Variants in RHBDL2 observed in about 807,000 individuals in gnomAD.
RHBDL2 encodes the protein rhomboid like 2.
RHBDL2 carries 26 observed loss-of-function variants against 31.7 expected under a neutral mutation model. The ratio of observed to expected loss-of-function variants is 0.82; its 90% CI spans 0.60 to 1.14. The LOEUF is 1.14. RHBDL2 is among the 50% of genes most tolerant of loss of function. The pLI is 0.00. For synonymous variants in RHBDL2, 123 were observed against 127.2 expected (o/e 0.97, Z 0.22); for missense variants, 336 against 364.4 (o/e 0.92, Z 0.63).
chr1:38,926,252 A>G, intron 1 of RHBDL2: 1 of 1,050,736 alleles, frequency 9.5e-7, no homozygotes, highest in Non-Finnish European at 1.2e-6. Flanking sequence ...CAGTGTCCAG[A>G]CGCCTTGCCA....
intron 1 of RHBDL2, among the ~76,000 whole-genome samples, chr1:38,934,897 G>T (rs1161421768): frequency 6.6e-6 from 1 of 151,112 alleles, no homozygotes; most frequent in Non-Finnish European, 1.5e-5. Flanking sequence ...GACAGAAGTT[G>T]CAGTGAGCTG....
At chr1:38,895,205 G>A (rs936999411) in intron 5 of RHBDL2, among the ~76,000 whole-genome samples, 3 of 152,144 alleles carry the variant, frequency 2.0e-5, no homozygotes, top group African/African-American at 7.2e-5. Flanking sequence ...AACAATATAA[G>A]GGTGGTGTCA....
Position 38,941,791 on chromosome 1 carries a change from C to G in RHBDL2, c.-235G>C, listed in dbSNP as rs552477716. 2 of 152,770 alleles carry G rather than the reference C, an allele frequency of 1.3e-5. No homozygotes were observed. The highest frequency in any genetic ancestry group is 4.1e-4 in the South Asian group (2 of 4,836). 9.5% of individuals were successfully genotyped at this position (152,770 alleles called of 1,614,324 possible). On this transcript the variant is annotated 5_prime_UTR_variant, in exon 1 of 8. Transcript: ENST00000372990. ...GCCCTGAAGATCCCGCTCTGCCAGG[C>G]GCTCCTCCGTCCCTCCCCAAACAAA...
rs369238561 is a variant in RHBDL2, at chr1:38,900,411, G to A, written c.509-4342C>T. On this transcript the variant is annotated intron_variant, in intron 4 of 7. Coordinates refer to ENST00000372990, the MANE Select transcript of RHBDL2 (RefSeq NM_017821.5). Reference sequence around the variant, plus strand: ...ACAAGGCAGGTGGATCATTAAGGTCGGAAGTTTGAGACCAGCCTGGCCAAC... The same window carrying A: ...ACAAGGCAGGTGGATCATTAAGGTCAGAAGTTTGAGACCAGCCTGGCCAAC... 4.4e-4 allele frequency among the ~76,000 whole-genome samples: 66 copies of A among 150,114 alleles called. No homozygotes were observed. In the East Asian group the frequency reaches 6.2e-3, roughly 14 times the overall value.
chr1:38,909,784 A>C (rs947044592), intron 4 of RHBDL2, among the ~76,000 whole-genome samples: 1 of 152,204 alleles, frequency 6.6e-6, no homozygotes, highest in African/African-American at 2.4e-5. Flanking sequence ...AAATTAAAAA[A>C]TAAAATATGC....
At chr1:38,929,342 G>A in intron 1 of RHBDL2, 1 of 1,231,000 alleles carries the variant, frequency 8.1e-7, no homozygotes, top group Non-Finnish European at 1.1e-6. Flanking sequence ...AAGCGTCCAG[G>A]ACGGGAAAAG....
intron 5 of RHBDL2, among the ~76,000 whole-genome samples, chr1:38,893,906 A>G (rs1454996577): frequency 1.3e-5 from 2 of 152,102 alleles, no homozygotes; most frequent in Non-Finnish European, 2.9e-5. Context: ...CACCTGGCTC[A>G]TTGTTGGATT....
intron 4 of RHBDL2, among the ~76,000 whole-genome samples, chr1:38,904,191 C>A (rs1375362118): frequency 6.6e-6 from 1 of 152,192 alleles, no homozygotes; most frequent in Non-Finnish European, 1.5e-5. Flanking sequence ...TTTATACAGG[C>A]TGGGCGCAGT....
At chr1:38,932,057 T>C (rs888747659) in intron 1 of RHBDL2, among the ~76,000 whole-genome samples, 1 of 152,180 alleles carries the variant, frequency 6.6e-6, no homozygotes, top group African/African-American at 2.4e-5. Context: ...TCCCCACTTT[T>C]GCTCCTTTGG....
At chr1:38,912,962 A>ATGTGTG (rs1643175691) in intron 3 of RHBDL2, among the ~76,000 whole-genome samples, 3 of 26,494 alleles carry the variant, frequency 1.1e-4, no homozygotes, top group South Asian at 7.0e-4. Context: ...TTACATATAC[A>ATGTGTG]CGTGTGTGTG....
intron 4 of RHBDL2, among the ~76,000 whole-genome samples, chr1:38,905,351 C>T (rs1643049608): frequency 6.6e-6 from 1 of 152,006 alleles, no homozygotes; most frequent in Non-Finnish European, 1.5e-5. Context: ...AGGCATGAGC[C>T]ATTGTGCCCA....
chr1:38,890,060 C>T (rs1255784433), intron 6 of RHBDL2, among the ~76,000 whole-genome samples: 9 of 147,412 alleles, frequency 6.1e-5, no homozygotes, highest in Admixed American at 2.0e-4. Flanking sequence ...TTTTTCAAGA[C>T]GCAGTCTCAC....
chr1:38,907,665 C>CGAGGCTG (rs1317359740), intron 4 of RHBDL2, among the ~76,000 whole-genome samples: 3 of 152,120 alleles, frequency 2.0e-5, no homozygotes, highest in African/African-American at 7.2e-5. Flanking sequence ...CACAGGAGTT[C>CGAGGCTG]GAGGCTGCAG....
chr1:38,935,353 T>C (rs1480514799), intron 1 of RHBDL2, among the ~76,000 whole-genome samples: 3 of 152,262 alleles, frequency 2.0e-5, no homozygotes, highest in Non-Finnish European at 2.9e-5. Context: ...GCTAAAGCTC[T>C]TAAGTTTAAT....
At chr1:38,891,848 C>T (rs1265436008) in intron 6 of RHBDL2, among the ~76,000 whole-genome samples, 2 of 152,142 alleles carry the variant, frequency 1.3e-5, no homozygotes, top group Admixed American at 6.5e-5. Flanking sequence ...ACATCTTAGG[C>T]TTTATCAGGT....
chr1:38,908,161 G>GAAAAA (rs572425278), intron 4 of RHBDL2, among the ~76,000 whole-genome samples: 4 of 83,290 alleles, frequency 4.8e-5, no homozygotes, highest in Admixed American at 1.4e-4. Context: ...CTCCAAATTT[G>GAAAAA]AAAAAAAAAA....
At chr1:38,896,198 C>T (rs1642917282) in intron 4 of RHBDL2, 129 bp from the exon 5 acceptor site, 2 of 660,882 alleles carry the variant, frequency 3.0e-6, no homozygotes, top group Non-Finnish European at 5.3e-6. Context: ...ATCTATTTTG[C>T]CCCTTTCATA....
At chr1:38,923,067 G>A (rs1643334141) in intron 1 of RHBDL2, among the ~76,000 whole-genome samples, 1 of 151,814 alleles carries the variant, frequency 6.6e-6, no homozygotes, top group Non-Finnish European at 1.5e-5. Flanking sequence ...TCAACCCTGG[G>A]CGACAAGAGT....
chr1:38,932,644 G>A (rs1643450609), intron 1 of RHBDL2, among the ~76,000 whole-genome samples: 1 of 152,140 alleles, frequency 6.6e-6, no homozygotes, highest in Non-Finnish European at 1.5e-5. Context: ...ATTTTTTGTA[G>A]AGATGGGGTT....
Sources: gnomAD v4.1 joint callset for allele counts (sites outside exome capture counted in the v4.1 genomes callset) on GRCh38, gnomAD v4.1.1 for gene constraint, MANE v1.5 for transcripts, NCBI Gene and HGNC (gene_info 2026-07-23, HGNC 2026-07-21) for gene names.